The following NOD1 variants were observed in gnomAD, a reference collection of about 807,000 sequenced individuals.
NOD1 encodes nucleotide binding oligomerization domain containing 1.
NOD1 carries 70 observed loss-of-function variants against 81.2 expected under a neutral mutation model. That is an observed-to-expected ratio of 0.86 (90% CI 0.71 to 1.05). The LOEUF (loss-of-function observed/expected upper bound fraction) is 1.05. Ranked by LOEUF, NOD1 falls within the 50% of genes least tolerant of loss-of-function variation. The probability of loss-of-function intolerance (pLI) is 0.00; values close to 1 mark genes in which losing one functional copy is unlikely to be tolerated. For synonymous variants in NOD1, 508 were observed against 526.9 expected (o/e 0.96, Z 0.49); for missense variants, 1,233 against 1,228.0 (o/e 1.00, Z -0.06).
At chr7:30,462,880 C>T (rs751905399) in intron 1 of NOD1, among the ~76,000 whole-genome samples, 3 of 147,808 alleles carry the variant, frequency 2.0e-5, no homozygotes, top group African/African-American at 5.0e-5. Context: ...ATCCGGGAGG[C>T]GGAGGTTGCA....
intron 11 of NOD1, among the ~76,000 whole-genome samples, chr7:30,434,943 T>C (rs972434980): frequency 6.6e-5 from 10 of 152,046 alleles, no homozygotes; most frequent in African/African-American, 2.2e-4. Flanking sequence ...AGGAATGTTT[T>C]TTTTTTTTGT....
At chr7:30,432,881 GGGA>G (rs1388264890) in intron 12 of NOD1, among the ~76,000 whole-genome samples, 15 of 152,112 alleles carry the variant, frequency 9.9e-5, no homozygotes, top group African/African-American at 3.6e-4. Flanking sequence ...CCAGGGTCTG[GGGA>G]GGAGGACAGG....
chr7:30,476,284 T>A (rs1404141813), intron 1 of NOD1, among the ~76,000 whole-genome samples: 3 of 152,242 alleles, frequency 2.0e-5, no homozygotes, highest in Non-Finnish European at 4.4e-5. Flanking sequence ...AAACACTTGA[T>A]CTTTATGCCT....
At chr7:30,428,960 G>A (rs965436326) in intron 13 of NOD1, among the ~76,000 whole-genome samples, 1 of 152,198 alleles carries the variant, frequency 6.6e-6, no homozygotes, top group Non-Finnish European at 1.5e-5. Flanking sequence ...GCCTGGAAAT[G>A]TCTTACGGAA....
At position 30,436,067 on chromosome 7, in the gene NOD1, C is replaced by A; in HGVS notation, c.2552G>T (p.Gly851Val). 6.2e-7 allele frequency: 1 copy of A among 1,613,884 alleles called. No individual in the cohort carries two copies. Among genetic ancestry groups the A allele is most frequent in the Non-Finnish European group, 8.5e-7 (1 of 1,179,740 alleles). Reference protein sequence around the residue: ...SLTTLSLASNGISTEGGKSLA... With the variant: ...SLTTLSLASNVISTEGGKSLA... ...GCTCTTTCCTCCTTCTGTGGAGATG[C>A]CGTTGGACGCAAGACTAGGAAGGAA... The change falls in exon 11 of 14, where the codon GGC becomes GTC. Residue 851 changes from glycine (G) to valine (V), a missense_variant. Coordinates refer to ENST00000222823, the MANE Select transcript of NOD1 (RefSeq NM_006092.4).
Position 30,467,231 on chromosome 7 carries a change from G to A in NOD1, c.-351-7190C>T, listed in dbSNP as rs1425411141. On this transcript the variant is annotated intron_variant, in intron 1 of 13. Transcript: ENST00000222823. The surrounding 1 kb of genome is among the most constrained non-coding windows in gnomAD (Gnocchi z 4.5). ...CCACGTTCTCTATAGGCATACGCCC[G>A]TGAATGTAAATGCAAAGAAAACCAC... Among the ~76,000 whole-genome samples the A allele has an allele frequency of 2.0e-5, 3 of 152,138 alleles. No individual in the cohort carries two copies. Among genetic ancestry groups the A allele is most frequent in the African/African-American group, 4.8e-5 (2 of 41,418 alleles).
At chr7:30,460,463 G>C (rs1786919592) in intron 1 of NOD1, 1 of 985,298 alleles carries the variant, frequency 1.0e-6, no homozygotes, top group Non-Finnish European at 1.2e-6. Flanking sequence ...CTGCTCTCCT[G>C]GGTGGAGCTT....
chr7:30,434,385 T>C (rs1434712021), intron 11 of NOD1, among the ~76,000 whole-genome samples: 2 of 152,184 alleles, frequency 1.3e-5, no homozygotes. Context: ...TTTTTGATCC[T>C]CACCACTGGG....
Position 30,436,016 on chromosome 7 carries a change from G to A in NOD1, c.2603C>T (p.Thr868Met), listed in dbSNP as rs115002719. 106 of 1,613,652 alleles carry A rather than the reference G, an allele frequency of 6.6e-5. No homozygotes were observed. The African/African-American group carries it at 8.3e-4, about 13-fold the overall frequency. ...CTATTACCACAGTATTTCTAGAGACGTGTTCTGCTGCAGGGCCCTCGCAAG... is the reference window on the plus strand; with the variant it reads ...CTATTACCACAGTATTTCTAGAGACATGTTCTGCTGCAGGGCCCTCGCAAG... ...KSLARALQQN[T>M]SLEILWLTQN... is the part of the protein sequence containing the mutation. Residue 868 changes from threonine (T) to methionine (M), a missense_variant, in exon 11 of 14, where the codon ACG (threonine) becomes ATG (methionine). Transcript: ENST00000222823.
At position 30,438,607 on chromosome 7, in the gene NOD1, T is replaced by G. The variant is rs114988327; in HGVS notation, c.2454-951A>C. ...AACAACACGTTCACACCAAGCAAACTACCTGCTTACACCATTCCAGGTATG... is the reference window on the plus strand; with the variant it reads ...AACAACACGTTCACACCAAGCAAACGACCTGCTTACACCATTCCAGGTATG... On this transcript the variant is annotated intron_variant, in intron 9 of 13. Transcript: ENST00000222823. Among the ~76,000 whole-genome samples, 466 of 152,300 alleles carry G rather than the reference T, an allele frequency of 3.1e-3. 1 individual carries two copies. The highest frequency in any genetic ancestry group is 0.011 in the African/African-American group (452 of 41,558).
At chr7:30,470,477 G>A (rs1234647666) in intron 1 of NOD1, among the ~76,000 whole-genome samples, 1 of 152,246 alleles carries the variant, frequency 6.6e-6, no homozygotes, top group African/African-American at 2.4e-5. Flanking sequence ...TATAGCAGGT[G>A]CTTCATCATG....
chr7:30,468,762 C>A (rs1002492221), intron 1 of NOD1: 3 of 946,048 alleles, frequency 3.2e-6, no homozygotes, highest in African/African-American at 3.5e-5. Context: ...GGGACCACAT[C>A]TGAATTCTCC....
intron 8 of NOD1, 125 bp downstream of exon 8, chr7:30,446,842 A>C (rs954757340): frequency 2.6e-6 from 2 of 761,024 alleles, no homozygotes; most frequent in Non-Finnish European, 4.3e-6. Context: ...TACTTGACCA[A>C]CATGGCCCTG....
At chr7:30,462,010 T>G (rs144216271) in intron 1 of NOD1, among the ~76,000 whole-genome samples, 5,276 of 152,264 alleles carry the variant, frequency 0.035, 152 homozygotes, top group Non-Finnish European at 0.047. Flanking sequence ...AGTGCTGGGA[T>G]TACAGGTGTG....
chr7:30,460,703 C>A, intron 1 of NOD1: 1 of 984,826 alleles, frequency 1.0e-6, no homozygotes, highest in Non-Finnish European at 1.2e-6. Flanking sequence ...GGGGGTAGAG[C>A]CTGTGGGCAG....
At chr7:30,477,577 C>T (rs1259896504) in intron 1 of NOD1, among the ~76,000 whole-genome samples, 3 of 152,116 alleles carry the variant, frequency 2.0e-5, no homozygotes, top group Non-Finnish European at 2.9e-5. Flanking sequence ...CGCAACAGGG[C>T]GATCTCGGCT....
At chr7:30,429,495 C>A (rs764085335) in intron 12 of NOD1, 38 bp from the exon 13 acceptor site, 3 of 1,583,144 alleles carry the variant, frequency 1.9e-6, no homozygotes, top group Non-Finnish European at 2.6e-6. Context: ...ATCCATAATA[C>A]TGGATCAAAT....
At chr7:30,471,450 G>T (rs537917350) in intron 1 of NOD1, among the ~76,000 whole-genome samples, 1 of 152,244 alleles carries the variant, frequency 6.6e-6, no homozygotes, top group Non-Finnish European at 1.5e-5. Flanking sequence ...ATGCCTGGAA[G>T]CAGCCAGCAT....
In NOD1 at chr7:30,456,717, G is replaced by T; in HGVS notation, c.201+4C>A. On this transcript the variant is annotated splice_donor_region_variant and intron_variant, in intron 4 of 13. Coordinates refer to ENST00000222823, the MANE Select transcript of NOD1 (RefSeq NM_006092.4). ...TGCCATGCCCGTCCCTGTCCCCGGG[G>T]CACCTTGTCAGGCTGGGTGGGGCAG... 18 of 1,613,432 alleles carry T rather than the reference G, an allele frequency of 1.1e-5. No homozygotes were observed. The highest frequency in any genetic ancestry group is 1.5e-5 in the Non-Finnish European group (18 of 1,179,792).
Sources: gnomAD v4.1 joint callset for allele counts (sites outside exome capture counted in the v4.1 genomes callset) on GRCh38, gnomAD v4.1.1 for gene constraint, Gnocchi (gnomAD v3.1) non-coding constraint, MANE v1.5 for transcripts, NCBI Gene and HGNC (gene_info 2026-07-23, HGNC 2026-07-21) for gene names.